The following PRKCA variants were observed in gnomAD, a reference collection of about 807,000 sequenced individuals.
The protein encoded by PRKCA is protein kinase C alpha.
A neutral mutation model predicts 87.0 loss-of-function variants in PRKCA; 27 were observed. That is an observed-to-expected ratio of 0.31 (90% CI 0.23 to 0.43). The LOEUF (loss-of-function observed/expected upper bound fraction) is 0.43, where lower values mean the gene tolerates loss of function less well. Ranked by LOEUF, PRKCA falls within the 20% of genes least tolerant of loss-of-function variation. The probability of loss-of-function intolerance (pLI) is 1.00; values close to 1 mark genes in which losing one functional copy is unlikely to be tolerated. For missense variants in PRKCA, 518 were observed against 852.3 expected (o/e 0.61, Z 4.88); for synonymous variants, 329 against 311.1 (o/e 1.06, Z -0.61).
chr17:66,502,588 C>T (rs528009533), intron 3 of PRKCA, among the ~76,000 whole-genome samples: 2 of 152,088 alleles, frequency 1.3e-5, no homozygotes, highest in East Asian at 3.9e-4. Flanking sequence ...TACAAAGCAG[C>T]ACTTTGACAG....
At chr17:66,748,820 G>A (rs897404001) in intron 13 of PRKCA, among the ~76,000 whole-genome samples, 1 of 152,034 alleles carries the variant, frequency 6.6e-6, no homozygotes, top group Admixed American at 6.6e-5. Context: ...GGGAAATGCC[G>A]GAGAGAGAGA....
At chr17:66,544,198 T>G (rs1386193873) in intron 3 of PRKCA, among the ~76,000 whole-genome samples, 2 of 152,154 alleles carry the variant, frequency 1.3e-5, no homozygotes, top group Admixed American at 6.5e-5. Context: ...CACTGCAGCC[T>G]GGGCGACACA....
intron 5 of PRKCA, among the ~76,000 whole-genome samples, chr17:66,668,601 T>C (rs758553396): frequency 2.0e-5 from 3 of 152,200 alleles, no homozygotes; most frequent in Non-Finnish European, 2.9e-5. Context: ...CAATGTGGCA[T>C]ACAAACAGTA....
chr17:66,481,362 A>G (rs1233243134), intron 2 of PRKCA, among the ~76,000 whole-genome samples: 1 of 152,116 alleles, frequency 6.6e-6, no homozygotes, highest in Non-Finnish European at 1.5e-5. Flanking sequence ...CTCCCTATCC[A>G]CTGTGTGTCT....
intron 3 of PRKCA, among the ~76,000 whole-genome samples, chr17:66,552,971 A>C (rs1265118207): frequency 6.6e-6 from 1 of 150,668 alleles, no homozygotes; most frequent in African/African-American, 2.5e-5. Flanking sequence ...ACATTTTATA[A>C]AAATCTGAAT....
At chr17:66,753,870 C>G (rs1974489430) in intron 13 of PRKCA, among the ~76,000 whole-genome samples, 1 of 152,156 alleles carries the variant, frequency 6.6e-6, no homozygotes, top group Non-Finnish European at 1.5e-5. Flanking sequence ...CTGGCACCTT[C>G]ATCCTGGACT....
intron 2 of PRKCA, among the ~76,000 whole-genome samples, chr17:66,417,315 G>T (rs1373503684): frequency 6.6e-6 from 1 of 152,030 alleles, no homozygotes; most frequent in Non-Finnish European, 1.5e-5. Context: ...AGATACAGGT[G>T]CCCTAATACC....
chr17:66,382,335 TC>T (rs1486751688), intron 2 of PRKCA, among the ~76,000 whole-genome samples: 1 of 152,208 alleles, frequency 6.6e-6, no homozygotes, highest in African/African-American at 2.4e-5. Flanking sequence ...AGAGTCTCAC[TC>T]TGTTGCCCAG....
intron 3 of PRKCA, among the ~76,000 whole-genome samples, chr17:66,613,377 A>C (rs1482811473): frequency 1.6e-4 from 25 of 152,162 alleles, no homozygotes; most frequent in Admixed American, 1.5e-3. Context: ...CATTATAAAT[A>C]CTTTTATTAA....
At chr17:66,787,788 T>C (rs1189729830) in intron 15 of PRKCA, among the ~76,000 whole-genome samples, 1 of 151,894 alleles carries the variant, frequency 6.6e-6, no homozygotes, top group African/African-American at 2.4e-5. Context: ...CTGCACAAAC[T>C]GAACCTTACA....
At chr17:66,552,944 A>G (rs1461454978) in intron 3 of PRKCA, among the ~76,000 whole-genome samples, 1 of 152,136 alleles carries the variant, frequency 6.6e-6, no homozygotes, top group Admixed American at 6.5e-5. Context: ...ATCTAAATCT[A>G]GACAGCTAGA....
intron 4 of PRKCA, 137 bp downstream of exon 4, chr17:66,641,603 A>T (rs1971298762): frequency 6.1e-6 from 3 of 490,668 alleles, no homozygotes; most frequent in Non-Finnish European, 7.1e-6. Flanking sequence ...TACCAGACTG[A>T]CAAAGTGTAG....
rs5821513 is a variant in PRKCA at position 66,591,871 on chromosome 17, TC to T, written c.289-49481del. Among the ~76,000 whole-genome samples the T allele has an allele frequency of 6.7e-3, 1,014 of 152,214 alleles. 39 individuals are homozygous for T. Among genetic ancestry groups the T allele is most frequent in the Admixed American group, 0.058 (891 of 15,284 alleles). ...CATAACCATGTTGAGAGAGCAGTCA[TC>T]CCTGCCGAACCTTTGCTGAAGCCAG... On this transcript the variant is annotated intron_variant, in intron 3 of 16. Transcript: ENST00000413366.
chr17:66,322,952 G>A (rs966089797), intron 2 of PRKCA, among the ~76,000 whole-genome samples: 2 of 152,098 alleles, frequency 1.3e-5, no homozygotes, highest in Non-Finnish European at 1.5e-5. Flanking sequence ...TCCTCCATGT[G>A]CCTCATCCCT....
intron 3 of PRKCA, among the ~76,000 whole-genome samples, chr17:66,566,480 GT>G (rs56912157): frequency 0.18 from 17,421 of 96,654 alleles, 798 homozygotes; most frequent in South Asian, 0.25. Context: ...TTGTTTTTTG[GT>G]TTTTTTTTTT....
chr17:66,633,364 G>A (rs1227721799), intron 3 of PRKCA, among the ~76,000 whole-genome samples: 1 of 152,128 alleles, frequency 6.6e-6, no homozygotes, highest in Non-Finnish European at 1.5e-5. Flanking sequence ...TAAGATCGCA[G>A]TAATGTTGCT....
intron 2 of PRKCA, among the ~76,000 whole-genome samples, chr17:66,443,901 A>T (rs1199752193): frequency 6.6e-6 from 1 of 152,180 alleles, no homozygotes; most frequent in Admixed American, 6.5e-5. Context: ...ATCTGAGCAC[A>T]GACTTAACCC....
intron 12 of PRKCA, among the ~76,000 whole-genome samples, chr17:66,742,093 C>T (rs1341067906): frequency 3.3e-5 from 5 of 152,130 alleles, no homozygotes; most frequent in African/African-American, 4.8e-5. Flanking sequence ...GGAAAAAAAT[C>T]TATTGAATTA....
chr17:66,366,028 C>T (rs967737772), intron 2 of PRKCA, among the ~76,000 whole-genome samples: 1 of 152,116 alleles, frequency 6.6e-6, no homozygotes, highest in Non-Finnish European at 1.5e-5. Context: ...ATGCTTTGTA[C>T]TTTTGAAGTT....
Sources: gnomAD v4.1 joint callset for allele counts (sites outside exome capture counted in the v4.1 genomes callset) on GRCh38, gnomAD v4.1.1 for gene constraint, MANE v1.5 for transcripts, NCBI Gene and HGNC (gene_info 2026-07-23, HGNC 2026-07-21) for gene names.